TMEM213: variants seen among roughly 807,000 people sequenced by gnomAD.
TMEM213 encodes transmembrane protein 213.
Under a neutral mutation model 11.6 loss-of-function variants are expected in TMEM213, and 7 were observed. The ratio of observed to expected loss-of-function variants is 0.60; its 90% CI spans 0.34 to 1.13. TMEM213 has a LOEUF of 1.13. Ranked by LOEUF, TMEM213 falls within the 50% of genes most tolerant of loss-of-function variation. The pLI is 0.03. For missense variants in TMEM213, 129 were observed against 139.0 expected, an observed-to-expected ratio of 0.93 and a Z score of 0.36; for synonymous variants, 60 against 58.3, an observed-to-expected ratio of 1.03 and a Z score of -0.13.
chr7:138,804,278 G>A lies in TMEM213; in HGVS notation c.*1209G>A, dbSNP rs996660637. 1.3e-5 allele frequency: 2 copies of A among 152,368 alleles called. No individual in the cohort carries two copies. Among genetic ancestry groups the A allele is most frequent in the Admixed American group, 6.5e-5 (1 of 15,272 alleles). The allele number at this position is 152,368 out of a possible 1,614,324, so 9.4% of individuals were successfully genotyped here. A position where few individuals can be genotyped will look rare whatever the true frequency, so the allele number is the denominator to read the frequency against. On this transcript the variant is annotated 3_prime_UTR_variant, in exon 3 of 3. Coordinates refer to ENST00000442682, the MANE Select transcript of TMEM213 (RefSeq NM_001085429.2). Reference sequence around the variant, plus strand: ...TGTTCAGCCCAGCATTCAGCTCTTTGGAGGAGTCCATCTGTCCCCCAGCAC... The same window carrying A: ...TGTTCAGCCCAGCATTCAGCTCTTTAGAGGAGTCCATCTGTCCCCCAGCAC...
chr7:138,799,910 G>A (rs1808872985), intron 1 of TMEM213, among the ~76,000 whole-genome samples: 4 of 152,040 alleles, frequency 2.6e-5, no homozygotes, highest in Admixed American at 2.6e-4. Context: ...GGTTTCTTCT[G>A]AACTCGTCCT....
intron 1 of TMEM213, among the ~76,000 whole-genome samples, chr7:138,799,940 T>A (rs1808874465): frequency 6.6e-6 from 1 of 152,106 alleles, no homozygotes; most frequent in African/African-American, 2.4e-5. Context: ...ACAAGCTCCC[T>A]TGAAGGACAC....
chr7:138,798,230 G>C, intron 1 of TMEM213, 44 bp downstream of exon 1: 1 of 1,524,158 alleles, frequency 6.6e-7, no homozygotes, highest in Non-Finnish European at 8.9e-7. Context: ...GGAAGGGGGA[G>C]GGAAGGAGGG....
chr7:138,802,955 C>T lies in TMEM213; in HGVS notation c.210C>T (p.Tyr70=), dbSNP rs376442871. Residue 70 remains tyrosine, a synonymous_variant, in exon 3 of 3, where the codon TAC becomes TAT. Transcript: ENST00000442682. ...ARCCRTGVDE[Y]GWIAAAVGWS... ...GCTGCCGCACAGGAGTGGACGAGTA[C>T]GGCTGGATCGCGGCAGCTGTTGGCT... 28 of 1,611,570 alleles carry T rather than the reference C, an allele frequency of 1.7e-5. No individual in the cohort carries two copies. The highest frequency in any genetic ancestry group is 1.6e-4 in the Middle Eastern group (1 of 6,076).
chr7:138,800,371 C>T (rs1171261979), intron 1 of TMEM213, among the ~76,000 whole-genome samples: 2 of 152,138 alleles, frequency 1.3e-5, no homozygotes, highest in Non-Finnish European at 2.9e-5. Context: ...AACCTGGATG[C>T]CTCAGATCCC....
chr7:138,800,194 C>T (rs1297224856), intron 1 of TMEM213, among the ~76,000 whole-genome samples: 12 of 152,068 alleles, frequency 7.9e-5, no homozygotes, highest in Admixed American at 7.2e-4. Flanking sequence ...ACTAGTCACA[C>T]GCGGCAATGG....
intron 1 of TMEM213, among the ~76,000 whole-genome samples, chr7:138,799,153 C>T (rs1808841814): frequency 6.6e-6 from 1 of 152,184 alleles, no homozygotes; most frequent in Admixed American, 6.6e-5. Flanking sequence ...TGGGGACAAT[C>T]ATAGTGCTTG....
chr7:138,799,817 T>C (rs1315954711), intron 1 of TMEM213, among the ~76,000 whole-genome samples: 2 of 152,216 alleles, frequency 1.3e-5, no homozygotes, highest in Non-Finnish European at 2.9e-5. Flanking sequence ...TACTATACTT[T>C]AAGCAGGACA....
At chr7:138,799,694 G>A (rs1028565689) in intron 1 of TMEM213, 1 of 152,178 alleles carries the variant, frequency 6.6e-6, no homozygotes, top group Admixed American at 6.6e-5. Context: ...AGTTATTTGA[G>A]TCATAAGGAA....
chr7:138,800,242 G>T (rs1808888671), intron 1 of TMEM213, among the ~76,000 whole-genome samples: 1 of 151,874 alleles, frequency 6.6e-6, no homozygotes, highest in South Asian at 2.1e-4. Context: ...AAGAAGCTGA[G>T]TTTTTTTTAC....
rs1047887610 is a variant in TMEM213 at position 138,803,360 on chromosome 7, C to G, written c.*291C>G. 6 of 383,900 alleles carry G rather than the reference C, an allele frequency of 1.6e-5. No homozygotes were observed. Among genetic ancestry groups the G allele is most frequent in the Non-Finnish European group, 2.4e-5 (5 of 209,176 alleles). 23.8% of individuals were successfully genotyped at this position (383,900 alleles called of 1,614,324 possible). A position where few individuals can be genotyped will look rare whatever the true frequency, so the allele number is the denominator to read the frequency against. On this transcript the variant is annotated 3_prime_UTR_variant, in exon 3 of 3. Transcript: ENST00000442682. ...TCTTCTAGGCACCAAGGGAGGTGCA[C>G]AAGAAACTATAAGACTTAGTCTCAT...
rs970057582 is a variant in TMEM213, at chr7:138,804,787, G to C, written c.*1718G>C. 6.6e-6 allele frequency: 1 copy of C among 152,182 alleles called. No homozygotes were observed. Among genetic ancestry groups the C allele is most frequent in the Non-Finnish European group, 1.5e-5 (1 of 68,034 alleles). 9.4% of individuals were successfully genotyped at this position (152,182 alleles called of 1,614,324 possible). ...AGCAAATTACAGTCACTGTCACTTAGCATGGAGAGTGGACGTTGCACATCA... is the reference window on the plus strand; with the variant it reads ...AGCAAATTACAGTCACTGTCACTTACCATGGAGAGTGGACGTTGCACATCA... On this transcript the variant is annotated 3_prime_UTR_variant, in exon 3 of 3. Coordinates refer to ENST00000442682, the MANE Select transcript of TMEM213 (RefSeq NM_001085429.2).
chr7:138,802,933 G>A lies in TMEM213; in HGVS notation c.188G>A (p.Cys63Tyr). The A allele has an allele frequency of 6.2e-7, 1 of 1,600,120 alleles. No individual in the cohort carries two copies. Among genetic ancestry groups the A allele is most frequent in the Non-Finnish European group, 8.5e-7 (1 of 1,174,656 alleles). ...TTCTGCCCACAAGCAGCCCGGTGCT[G>A]CCGCACAGGAGTGGACGAGTACGGC... ...VDFCPQAARC[C>Y]RTGVDEYGWI... The change falls in exon 3 of 3, where the codon TGC becomes TAC. Residue 63 changes from cysteine to tyrosine, a missense_variant. Coordinates refer to ENST00000442682, the MANE Select transcript of TMEM213 (RefSeq NM_001085429.2).
At position 138,804,624 on chromosome 7, in the gene TMEM213, T is replaced by C. The variant is rs1405770885; in HGVS notation, c.*1555T>C. On this transcript the variant is annotated 3_prime_UTR_variant, in exon 3 of 3. Coordinates refer to ENST00000442682, the MANE Select transcript of TMEM213 (RefSeq NM_001085429.2). ...TTTGTCCAATGAGTGCATGGGTGAA[T>C]TAATGAATGAATGAACAAATGAGTC... is the stretch of plus-strand genomic sequence containing the variant. The C allele has an allele frequency of 6.6e-6, 1 of 152,230 alleles. No homozygotes were observed. The allele number at this position is 152,230 out of a possible 1,614,324, so 9.4% of individuals were successfully genotyped here. A position where few individuals can be genotyped will look rare whatever the true frequency, so the allele number is the denominator to read the frequency against.
chr7:138,801,361 T>C lies in TMEM213; in HGVS notation c.117T>C (p.Ala39=). The change falls in exon 2 of 3, where the codon GCT becomes GCC. Residue 39 remains alanine, a synonymous_variant. Coordinates refer to ENST00000442682, the MANE Select transcript of TMEM213 (RefSeq NM_001085429.2). The part of the protein sequence containing the change: ...ASSSNSSSLT[A]HHPDPGTLEQ... ...GCAGCAACAGCTCAAGCTTGACCGC[T>C]CACCACCCAGACCCTGGGACCCTGG... The C allele has an allele frequency of 6.2e-7, 1 of 1,611,752 alleles. No individual in the cohort carries two copies. The highest frequency in any genetic ancestry group is 8.5e-7 in the Non-Finnish European group (1 of 1,179,090).
chr7:138,799,000 C>A (rs567129574), intron 1 of TMEM213, among the ~76,000 whole-genome samples: 1 of 152,152 alleles, frequency 6.6e-6, no homozygotes, highest in African/African-American at 2.4e-5. Context: ...GTAGCCACTG[C>A]CAGGGGTGTT....
rs1563032750 is a variant in TMEM213 at position 138,806,322 on chromosome 7, C to A, written c.*3253C>A. ...CCCAGGAATTTGAGACCAGCCTGGG[C>A]AACATGGCGAAACCCCACCTCTACA... is the stretch of plus-strand genomic sequence containing the variant. On this transcript the variant is annotated 3_prime_UTR_variant, in exon 3 of 3. Transcript: ENST00000442682. 1 of 152,214 alleles carries A rather than the reference C, an allele frequency of 6.6e-6. No homozygotes were observed. Among genetic ancestry groups the A allele is most frequent in the Non-Finnish European group, 1.5e-5 (1 of 68,138 alleles). 9.4% of individuals were successfully genotyped at this position (152,214 alleles called of 1,614,324 possible). A position where few individuals can be genotyped will look rare whatever the true frequency, so the allele number is the denominator to read the frequency against.
In TMEM213 at chr7:138,805,451, A is replaced by G. The variant is rs1321549072; in HGVS notation, c.*2382A>G. The G allele has an allele frequency of 6.6e-6, 1 of 152,116 alleles. No individual in the cohort carries two copies. Among genetic ancestry groups the G allele is most frequent in the Non-Finnish European group, 1.5e-5 (1 of 68,038 alleles). The allele number at this position is 152,116 out of a possible 1,614,324, so 9.4% of individuals were successfully genotyped here. Reference sequence around the variant, plus strand: ...TCCTGGTGCATTTTGTGGATATACAATATGAGTATGTGTTCCATGTTTTCA... The same window carrying G: ...TCCTGGTGCATTTTGTGGATATACAGTATGAGTATGTGTTCCATGTTTTCA... On this transcript the variant is annotated 3_prime_UTR_variant, in exon 3 of 3. Transcript: ENST00000442682.
At chr7:138,802,748 C>T (rs1194119700) in intron 2 of TMEM213, among the ~76,000 whole-genome samples, 152 bp from the exon 3 acceptor site, 1 of 152,168 alleles carries the variant, frequency 6.6e-6, no homozygotes, top group African/African-American at 2.4e-5. Flanking sequence ...CATAAGCTAA[C>T]GTGTAAAAGC....
Sources: gnomAD v4.1 joint callset for allele counts (sites outside exome capture counted in the v4.1 genomes callset) on GRCh38, gnomAD v4.1.1 for gene constraint, MANE v1.5 for transcripts, NCBI Gene and HGNC (gene_info 2026-07-23, HGNC 2026-07-21) for gene names.